HSD3B1: variants seen among roughly 807,000 people sequenced by gnomAD.
HSD3B1 encodes the protein hydroxy-delta-5-steroid dehydrogenase, 3 beta- and steroid delta-isomerase 1, also known as 3 beta-hydroxysteroid dehydrogenase/Delta 5-->4-isomerase type 1.
In HSD3B1, 11 loss-of-function variants were observed where a neutral mutation model predicts 10.4. The observed-to-expected ratio is 1.05, with a 90% CI of 0.66 to 1.75. HSD3B1 has a LOEUF of 1.75. Among genes scored for constraint, HSD3B1 ranks in the 40% most tolerant of loss-of-function variants. The pLI, the probability that HSD3B1 is intolerant of heterozygous loss-of-function variation, is 0.00. For synonymous variants in HSD3B1, 217 were observed against 185.4 expected (o/e 1.17, Z -1.39); for missense variants, 490 against 454.5 (o/e 1.08, Z -0.71).
intron 2 of HSD3B1, among the ~76,000 whole-genome samples, chr1:119,510,044 C>T (rs1207905047): frequency 1.3e-5 from 2 of 152,170 alleles, no homozygotes; most frequent in African/African-American, 4.8e-5. Context: ...GAATACCTAC[C>T]TCATGAGATA....
Position 119,511,604 on chromosome 1 carries a change from G to T in HSD3B1, c.247G>T (p.Ala83Ser), listed in dbSNP as rs377655283. The stretch of plus-strand genomic sequence containing the variant: ...GGACGTCTCGGTCATCATCCACACC[G>T]CCTGTATCATTGATGTCTTCGGTGT... ...CQDVSVIIHT[A>S]CIIDVFGVTH... The change falls in exon 3 of 4, where the codon GCC (alanine) becomes TCC (serine). Residue 83 changes from alanine to serine, a missense_variant. Coordinates refer to ENST00000369413, the MANE Select transcript of HSD3B1 (RefSeq NM_000862.3). 1 of 1,613,640 alleles carries T rather than the reference G, an allele frequency of 6.2e-7. No individual in the cohort carries two copies. Among genetic ancestry groups the T allele is most frequent in the Non-Finnish European group, 8.5e-7 (1 of 1,179,658 alleles).
intron 2 of HSD3B1, among the ~76,000 whole-genome samples, chr1:119,509,197 CT>C (rs1170631086): frequency 1.3e-5 from 2 of 152,162 alleles, no homozygotes; most frequent in Admixed American, 1.3e-4. Flanking sequence ...GGTTAGTTAA[CT>C]TTTTGAAGGT....
At chr1:119,509,017 A>G (rs1653868116) in intron 2 of HSD3B1, among the ~76,000 whole-genome samples, 1 of 152,254 alleles carries the variant, frequency 6.6e-6, no homozygotes, top group African/African-American at 2.4e-5. Context: ...CAGATCATAT[A>G]ATAGACAGGC....
rs763334633 is a variant in HSD3B1, at chr1:119,507,485, C to T, written c.9C>T (p.Gly3=). 3.1e-6 allele frequency: 5 copies of T among 1,613,744 alleles called. No homozygotes were observed. The highest frequency in any genetic ancestry group is 4.2e-6 in the Non-Finnish European group (5 of 1,179,938). ...TGCTACTTTGGATGGCCATGACGGGCTGGAGCTGCCTTGTGACAGGAGCAG... is the reference window on the plus strand; with the variant it reads ...TGCTACTTTGGATGGCCATGACGGGTTGGAGCTGCCTTGTGACAGGAGCAG... MT[G]WSCLVTGAGG... is the part of the protein sequence containing the mutation. The change falls in exon 2 of 4, where the codon GGC becomes GGT. Residue 3 remains glycine (G), a synonymous_variant. Coordinates refer to ENST00000369413, the MANE Select transcript of HSD3B1 (RefSeq NM_000862.3).
At chr1:119,511,457 G>A (rs1180194866) in intron 2 of HSD3B1, 46 bp from the exon 3 acceptor site, 17 of 1,603,040 alleles carry the variant, frequency 1.1e-5, no homozygotes, top group East Asian at 4.5e-5. Flanking sequence ...AAACTTCTCA[G>A]CCAGATACAG....
At position 119,514,028 on chromosome 1, in the gene HSD3B1, G is replaced by A. The variant is rs2101464842; in HGVS notation, c.505G>A (p.Ala169Thr). Residue 169 changes from alanine to threonine, a missense_variant, in exon 4 of 4, where the codon GCT becomes ACT. Coordinates refer to ENST00000369413, the MANE Select transcript of HSD3B1 (RefSeq NM_000862.3). ...GCTTGCTGAGAAGGCTGTACTGGCG[G>A]CTAACGGGTGGAATCTGAAAAACGG... is the stretch of plus-strand genomic sequence containing the variant. ...KKLAEKAVLA[A>T]NGWNLKNGGT... is the part of the protein sequence containing the mutation. 6.2e-7 allele frequency: 1 copy of A among 1,614,142 alleles called. No homozygotes were observed. The highest frequency in any genetic ancestry group is 2.2e-5 in the East Asian group (1 of 44,870).
chr1:119,510,737 T>TTTTC (rs1653913469), intron 2 of HSD3B1, among the ~76,000 whole-genome samples: 1 of 83,954 alleles, frequency 1.2e-5, no homozygotes, highest in Non-Finnish European at 2.0e-5. Context: ...TTTTTTTTTT[T>TTTTC]TTTTTTTTTT....
chr1:119,510,606 G>A (rs1390935513), intron 2 of HSD3B1, among the ~76,000 whole-genome samples: 1 of 150,234 alleles, frequency 6.7e-6, no homozygotes, highest in African/African-American at 2.4e-5. Flanking sequence ...TTGATCATCA[G>A]TCTTTCTCAA....
Position 119,514,436 on chromosome 1 carries a change from C to T in HSD3B1, c.913C>T (p.Leu305Phe). 1 of 1,614,162 alleles carries T rather than the reference C, an allele frequency of 6.2e-7. No homozygotes were observed. The highest frequency in any genetic ancestry group is 8.5e-7 in the Non-Finnish European group (1 of 1,180,008). The change falls in exon 4 of 4, where the codon CTC becomes TTC. Residue 305 changes from leucine to phenylalanine, a missense_variant. Transcript: ENST00000369413. ...CCTGCTGGAAATAGTGAGCTTCCTA[C>T]TCAGGCCAATTTACACCTATCGACC... ...GFLLEIVSFLLRPIYTYRPPF... is the reference protein window; with the variant it reads ...GFLLEIVSFLFRPIYTYRPPF...
In HSD3B1 at chr1:119,507,573, AG is replaced by A; in HGVS notation, c.100del (p.Val34SerfsTer10). 6.2e-7 allele frequency: 1 copy of A among 1,614,058 alleles called. No homozygotes were observed. Among genetic ancestry groups the A allele is most frequent in the Non-Finnish European group, 8.5e-7 (1 of 1,179,940 alleles). On this transcript the variant is annotated frameshift_variant, in exon 2 of 4. Coordinates refer to ENST00000369413, the MANE Select transcript of HSD3B1 (RefSeq NM_000862.3). LOFTEE classifies it high-confidence loss of function. ...GAAGGAGAAGGAGCTGAAGGAGATCAGGGTCTTGGACAAGGCCTTCGGACCA... is the reference window on the plus strand; with the variant it reads ...GAAGGAGAAGGAGCTGAAGGAGATCAGGTCTTGGACAAGGCCTTCGGACCA... ...LVKEKELKEIRVLDKAFGPEL... is the reference protein window; with the variant it reads ...LVKEKELKEIXVLDKAFGPEL...
In HSD3B1 at chr1:119,507,447, G is replaced by A. The variant is rs772104619; in HGVS notation, c.-30G>A. 6.8e-6 allele frequency: 11 copies of A among 1,612,460 alleles called. No homozygotes were observed. Among genetic ancestry groups the A allele is most frequent in the Non-Finnish European group, 9.3e-6 (11 of 1,179,522 alleles). ...TGCTCCCCAGCATCTTCTGTTTCCT[G>A]GTGAGTGATTCCTGCTACTTTGGAT... On this transcript the variant is annotated 5_prime_UTR_variant, in exon 2 of 4. Coordinates refer to ENST00000369413, the MANE Select transcript of HSD3B1 (RefSeq NM_000862.3).
At chr1:119,509,142 T>C (rs1264740568) in intron 2 of HSD3B1, among the ~76,000 whole-genome samples, 1 of 152,028 alleles carries the variant, frequency 6.6e-6, no homozygotes, top group African/African-American at 2.4e-5. Context: ...ATGAGATCGG[T>C]AATATTATCC....
chr1:119,514,508 T>C lies in HSD3B1; in HGVS notation c.985T>C (p.Phe329Leu). 6.2e-7 allele frequency: 1 copy of C among 1,614,064 alleles called. No individual in the cohort carries two copies. Among genetic ancestry groups the C allele is most frequent in the Non-Finnish European group, 8.5e-7 (1 of 1,180,006 alleles). The change falls in exon 4 of 4, where the codon TTC (phenylalanine) becomes CTC (leucine). Residue 329 changes from phenylalanine (F) to leucine (L), a missense_variant. Coordinates refer to ENST00000369413, the MANE Select transcript of HSD3B1 (RefSeq NM_000862.3). ...CACATTGTCAAATAGCGTATTCACC[T>C]TCTCTTATAAGAAGGCTCAGCGAGA... Reference protein sequence around the residue: ...IVTLSNSVFTFSYKKAQRDLA... With the variant: ...IVTLSNSVFTLSYKKAQRDLA...
intron 3 of HSD3B1, chr1:119,512,020 ACT>A (rs959130530): frequency 4.0e-5 from 11 of 272,242 alleles, no homozygotes; most frequent in Non-Finnish European, 7.2e-5. Context: ...CTGACTTCAG[ACT>A]CTTGATACCC....
chr1:119,511,757 C>T lies in HSD3B1; in HGVS notation c.310+90C>T, dbSNP rs1177806956. 3.9e-6 allele frequency: 5 copies of T among 1,280,344 alleles called. No individual in the cohort carries two copies. In the Admixed American group the frequency reaches 6.8e-5, roughly 17 times the overall value. 79.3% of individuals were successfully genotyped at this position (1,280,344 alleles called of 1,614,324 possible). On this transcript the variant is annotated intron_variant, in intron 3 of 3. Coordinates refer to ENST00000369413, the MANE Select transcript of HSD3B1 (RefSeq NM_000862.3). Reference sequence around the variant, plus strand: ...AGGGAAGAGAAGTCCCTCCACTGAACACCTGCTGTGCTCTGGGCCAAGTGC... The same window carrying T: ...AGGGAAGAGAAGTCCCTCCACTGAATACCTGCTGTGCTCTGGGCCAAGTGC...
Position 119,514,482 on chromosome 1 carries a change from T to A in HSD3B1, c.959T>A (p.Val320Asp). The A allele has an allele frequency of 6.2e-7, 1 of 1,614,038 alleles. No homozygotes were observed. The highest frequency in any genetic ancestry group is 8.5e-7 in the Non-Finnish European group (1 of 1,179,996). ...TYRPPFNRHI[V>D]TLSNSVFTFS... is the part of the protein sequence containing the mutation. ...CGACCGCCCTTCAACCGCCACATAGTCACATTGTCAAATAGCGTATTCACC... is the reference window on the plus strand; with the variant it reads ...CGACCGCCCTTCAACCGCCACATAGACACATTGTCAAATAGCGTATTCACC... Residue 320 changes from valine (V) to aspartate (D), a missense_variant, in exon 4 of 4, where the codon GTC becomes GAC. Physicochemically the swap from Val to Asp is radical, Grantham distance 152 (BLOSUM62 -3). Transcript: ENST00000369413.
chr1:119,514,816 A>T lies in HSD3B1; in HGVS notation c.*171A>T. 1 of 715,884 alleles carries T rather than the reference A, an allele frequency of 1.4e-6. No homozygotes were observed. Among genetic ancestry groups the T allele is most frequent in the Non-Finnish European group, 2.4e-6 (1 of 418,488 alleles). The allele number at this position is 715,884 out of a possible 1,614,324, so 44.3% of individuals were successfully genotyped here. A position where few individuals can be genotyped will look rare whatever the true frequency, so the allele number is the denominator to read the frequency against. Reference sequence around the variant, plus strand: ...TCATGTCATCAAAACCTGCGCAGTCATTGGCCCAACAAGAAGGTTTCTGTC... The same window carrying T: ...TCATGTCATCAAAACCTGCGCAGTCTTTGGCCCAACAAGAAGGTTTCTGTC... On this transcript the variant is annotated 3_prime_UTR_variant, in exon 4 of 4. Coordinates refer to ENST00000369413, the MANE Select transcript of HSD3B1 (RefSeq NM_000862.3).
Position 119,514,854 on chromosome 1 carries a change from C to T in HSD3B1, c.*209C>T. The T allele has an allele frequency of 4.9e-6, 3 of 610,036 alleles. No homozygotes were observed. The highest frequency in any genetic ancestry group is 8.7e-6 in the Non-Finnish European group (3 of 345,998). 37.8% of individuals were successfully genotyped at this position (610,036 alleles called of 1,614,324 possible). ...GAAGGTTTCTGTCCTAATCATATAC[C>T]AGAGGAAAGACCATGTGGTTTGCTG... On this transcript the variant is annotated 3_prime_UTR_variant, in exon 4 of 4. Coordinates refer to ENST00000369413, the MANE Select transcript of HSD3B1 (RefSeq NM_000862.3).
At chr1:119,508,937 C>A (rs1436365663) in intron 2 of HSD3B1, among the ~76,000 whole-genome samples, 1 of 152,192 alleles carries the variant, frequency 6.6e-6, no homozygotes, top group African/African-American at 2.4e-5. Flanking sequence ...GCAATATTTG[C>A]AATTTAACAT....
Sources: allele counts gnomAD v4.1 joint callset (sites outside exome capture counted in the v4.1 genomes callset), GRCh38; gene constraint gnomAD v4.1.1; transcripts MANE v1.5; gene names NCBI Gene and HGNC (gene_info 2026-07-23, HGNC 2026-07-21).